The following RNF157 variants were observed in gnomAD, a reference collection of about 807,000 sequenced individuals.
RNF157 encodes ring finger protein 157.
In RNF157, 55 loss-of-function variants were observed where a neutral mutation model predicts 88.3. The observed-to-expected ratio is 0.62, with a 90% CI of 0.50 to 0.78. The LOEUF (loss-of-function observed/expected upper bound fraction) is 0.78, where lower values mean the gene tolerates loss of function less well. RNF157 is among the 30% of genes least tolerant of loss of function. The pLI is 0.00. For missense variants in RNF157, 788 were observed against 860.8 expected (o/e 0.92, Z 1.06); for synonymous variants, 334 against 341.2 (o/e 0.98, Z 0.23).
rs1004994158 is a variant in RNF157, at chr17:76,175,905, C to T, written c.208-2115G>A. The T allele has an allele frequency of 6.2e-6, 3 of 483,026 alleles. No individual in the cohort carries two copies. The African/African-American group carries it at 6.3e-5, about 10-fold the overall frequency. 29.9% of individuals were successfully genotyped at this position (483,026 alleles called of 1,614,324 possible). A position where few individuals can be genotyped will look rare whatever the true frequency, so the allele number is the denominator to read the frequency against. On this transcript the variant is annotated intron_variant, in intron 2 of 18. Coordinates refer to ENST00000269391, the MANE Select transcript of RNF157 (RefSeq NM_052916.3). ...TGAATATATTTGATGATAACTGTGG[C>T]AATGAAACATAAGCTATTTGGCTCT...
chr17:76,181,230 G>A (rs2069183195), intron 2 of RNF157, among the ~76,000 whole-genome samples: 1 of 152,146 alleles, frequency 6.6e-6, no homozygotes, highest in African/African-American at 2.4e-5. Flanking sequence ...GAGTCTGAAA[G>A]TTATACCATC....
At chr17:76,159,089 A>C (rs536796459) in intron 12 of RNF157, among the ~76,000 whole-genome samples, 42 of 152,306 alleles carry the variant, frequency 2.8e-4, no homozygotes, top group Admixed American at 3.9e-4. Flanking sequence ...CCTATATCCC[A>C]TCCCCTATCC....
chr17:76,212,557 A>G (rs552467891), intron 1 of RNF157, 75 bp from the exon 2 acceptor site: 2 of 998,392 alleles, frequency 2.0e-6, no homozygotes, highest in East Asian at 2.5e-5. Context: ...AAAAAAGCTG[A>G]TTTTTAAAAT....
intron 2 of RNF157, among the ~76,000 whole-genome samples, chr17:76,208,072 C>T (rs547669215): frequency 2.6e-5 from 4 of 151,946 alleles, no homozygotes; most frequent in South Asian, 2.1e-4. Flanking sequence ...TGCACCACCA[C>T]GCCTGGCTAA....
Position 76,155,326 on chromosome 17 carries a change from G to A in RNF157, c.1699-9C>T. The A allele has an allele frequency of 1.2e-6, 2 of 1,613,934 alleles. No individual in the cohort carries two copies. Among genetic ancestry groups the A allele is most frequent in the Non-Finnish European group, 1.7e-6 (2 of 1,179,802 alleles). On this transcript the variant is annotated splice_polypyrimidine_tract_variant and intron_variant, in intron 15 of 18. Transcript: ENST00000269391. The stretch of plus-strand genomic sequence containing the variant: ...GACTCCGCTGGCAGCCCCTGCAGAA[G>A]AGCACAGTTTTTACAGGCTCTTCCA...
chr17:76,202,124 T>TCTCC lies in RNF157; in HGVS notation c.207+10239_207+10240insGGAG, dbSNP rs1555659335. 1.3e-3 allele frequency among the ~76,000 whole-genome samples: 181 copies of TCTCC among 139,658 alleles called. 1 individual carries two copies. The highest frequency in any genetic ancestry group is 5.3e-3 in the African/African-American group (180 of 34,088). The allele number at this position is 139,658 out of a possible 152,430, so 91.6% of individuals were successfully genotyped here. A position where few individuals can be genotyped will look rare whatever the true frequency, so the allele number is the denominator to read the frequency against. ...CCCAATCTCAGTTTCTCTCTCTCTC[T>TCTCC]CTCTCACACACACACACACACACAC... is the stretch of plus-strand genomic sequence containing the variant. On this transcript the variant is annotated intron_variant, in intron 2 of 18. Transcript: ENST00000269391.
intron 1 of RNF157, chr17:76,225,825 C>A: frequency 2.5e-6 from 4 of 1,603,640 alleles, no homozygotes; most frequent in Non-Finnish European, 3.4e-6. Context: ...ATCTCCTTGG[C>A]CAGGGAATCT....
At chr17:76,235,674 T>C (rs1386790090) in intron 1 of RNF157, among the ~76,000 whole-genome samples, 1 of 152,158 alleles carries the variant, frequency 6.6e-6, no homozygotes, top group African/African-American at 2.4e-5. Context: ...ATGTGTACTC[T>C]AAAATAACAA....
Position 76,160,916 on chromosome 17 carries a change from T to A in RNF157, c.1065+619A>T, listed in dbSNP as rs1382584852. On this transcript the variant is annotated intron_variant, in intron 11 of 18. Coordinates refer to ENST00000269391, the MANE Select transcript of RNF157 (RefSeq NM_052916.3). This position sits in a 1 kb window ranked among gnomAD's most constrained non-coding sequence, Gnocchi z 4.3. ...AATATAGTTAACTAGTTACTCCAGC[T>A]GGAATTTATTTGGTAAGGAGTAAAG... Among the ~76,000 whole-genome samples the A allele has an allele frequency of 2.6e-5, 4 of 152,240 alleles. No homozygotes were observed. The highest frequency in any genetic ancestry group is 9.6e-5 in the African/African-American group (4 of 41,464).
intron 1 of RNF157, among the ~76,000 whole-genome samples, chr17:76,230,292 T>G (rs943014344): frequency 6.6e-6 from 1 of 151,932 alleles, no homozygotes; most frequent in Non-Finnish European, 1.5e-5. Context: ...CAGCCGACAT[T>G]TAGGACTCAC....
chr17:76,199,171 G>A (rs55948491), intron 2 of RNF157, among the ~76,000 whole-genome samples: 13,436 of 152,210 alleles, frequency 0.088, 1,255 homozygotes, highest in African/African-American at 0.24. Context: ...AACATGTTAT[G>A]ATCATTTAAG....
intron 2 of RNF157, among the ~76,000 whole-genome samples, chr17:76,191,600 C>CAAAAA (rs71363619): frequency 4.6e-5 from 3 of 65,250 alleles, no homozygotes; most frequent in African/African-American, 1.7e-4. Context: ...GACTCCGCCT[C>CAAAAA]AAAAAAAAAA....
At chr17:76,182,949 G>A (rs541282124) in intron 2 of RNF157, among the ~76,000 whole-genome samples, 1 of 151,090 alleles carries the variant, frequency 6.6e-6, no homozygotes, top group African/African-American at 2.4e-5. Context: ...TACTTCTGTT[G>A]GTTACTTTTC....
Position 76,157,897 on chromosome 17 carries a change from C to T in RNF157, c.1413+496G>A, listed in dbSNP as rs550983180. The stretch of plus-strand genomic sequence containing the variant: ...GCCTCCCGACACCCCCCACTTACCC[C>T]CAGGACTTTCTCCTTGCTGTTCCCA... On this transcript the variant is annotated intron_variant, in intron 13 of 18. Coordinates refer to ENST00000269391, the MANE Select transcript of RNF157 (RefSeq NM_052916.3). The surrounding 1 kb of genome is among the most constrained non-coding windows in gnomAD (Gnocchi z 5.6). 2.6e-5 allele frequency among the ~76,000 whole-genome samples: 4 copies of T among 152,192 alleles called. No homozygotes were observed. The highest frequency in any genetic ancestry group is 5.9e-5 in the Non-Finnish European group (4 of 67,990).
intron 3 of RNF157, among the ~76,000 whole-genome samples, chr17:76,172,851 G>A (rs1019828971): frequency 2.6e-5 from 4 of 151,918 alleles, no homozygotes; most frequent in African/African-American, 9.7e-5. Flanking sequence ...CAGTGGGAAT[G>A]TATCAGACTA....
intron 17 of RNF157, 104 bp downstream of exon 17, chr17:76,154,179 G>A (rs2068725412): frequency 3.6e-6 from 3 of 824,064 alleles, no homozygotes; most frequent in Non-Finnish European, 4.2e-6. Flanking sequence ...CCATACAACT[G>A]AGCAGCGCCA....
At chr17:76,203,656 T>A (rs1269879881) in intron 2 of RNF157, among the ~76,000 whole-genome samples, 1 of 151,780 alleles carries the variant, frequency 6.6e-6, no homozygotes, top group Admixed American at 6.6e-5. Context: ...TTCACCACGC[T>A]GGCCAGGCTG....
chr17:76,228,042 G>T (rs1473681327), intron 1 of RNF157, among the ~76,000 whole-genome samples: 1 of 151,874 alleles, frequency 6.6e-6, no homozygotes, highest in African/African-American at 2.4e-5. Context: ...GTTGCTTCCT[G>T]TTTTTTACAA....
At chr17:76,226,478 T>C in intron 1 of RNF157, 1 of 1,610,202 alleles carries the variant, frequency 6.2e-7, no homozygotes, top group Non-Finnish European at 8.5e-7. Flanking sequence ...CAAAAGGTCA[T>C]CTGGCATGGT....
Sources: gnomAD v4.1 joint callset for allele counts (sites outside exome capture counted in the v4.1 genomes callset) on GRCh38, gnomAD v4.1.1 for gene constraint, Gnocchi (gnomAD v3.1) non-coding constraint, MANE v1.5 for transcripts, NCBI Gene and HGNC (gene_info 2026-07-23, HGNC 2026-07-21) for gene names.